The following DENND1A variants were observed in gnomAD, a reference collection of about 807,000 sequenced individuals.
DENND1A encodes DENN domain containing 1A.
In DENND1A, 51 loss-of-function variants were observed where a neutral mutation model predicts 113.7. That is an observed-to-expected ratio of 0.45 (90% CI 0.36 to 0.57). The LOEUF is 0.57. Among genes scored for constraint, DENND1A ranks in the 20% least tolerant of loss-of-function variants. The pLI, the probability that DENND1A is intolerant of heterozygous loss-of-function variation, is 0.00. For missense variants in DENND1A, 1,258 were observed against 1,395.9 expected (o/e 0.90, Z 1.57); for synonymous variants, 565 against 570.8 (o/e 0.99, Z 0.14).
At chr9:123,569,598 G>A (rs1564736814) in intron 12 of DENND1A, 1 of 152,282 alleles carries the variant, frequency 6.6e-6, no homozygotes, top group Non-Finnish European at 1.5e-5. Flanking sequence ...CTCTCTTCCT[G>A]AATGAATGAA....
chr9:123,711,486 A>AAATATATATATATATGTATATATGTAT (rs1318894625), intron 5 of DENND1A, among the ~76,000 whole-genome samples: 2 of 101,768 alleles, frequency 2.0e-5, no homozygotes, highest in Admixed American at 1.1e-4. Flanking sequence ...TAAATTAAAA[A>AAATATATATATATATGTATATATGTAT]ATATATATAT....
intron 9 of DENND1A, among the ~76,000 whole-genome samples, chr9:123,634,766 A>G (rs1469825376): frequency 2.6e-5 from 4 of 152,202 alleles, no homozygotes; most frequent in Non-Finnish European, 4.4e-5. Flanking sequence ...CCAATTATCA[A>G]TCTCATTTAA....
intron 5 of DENND1A, among the ~76,000 whole-genome samples, chr9:123,733,863 T>C (rs1427395463): frequency 6.6e-6 from 1 of 152,098 alleles, no homozygotes; most frequent in Non-Finnish European, 1.5e-5. Flanking sequence ...AGACAGGGTT[T>C]CACCATGTTG....
At chr9:123,918,622 T>G (rs1483251222) in intron 1 of DENND1A, among the ~76,000 whole-genome samples, 2 of 152,080 alleles carry the variant, frequency 1.3e-5, no homozygotes, top group African/African-American at 4.8e-5. Flanking sequence ...GACACTCCCC[T>G]CTCTCAAAAA....
chr9:123,845,992 G>A (rs1482976900), intron 2 of DENND1A, among the ~76,000 whole-genome samples: 2 of 152,130 alleles, frequency 1.3e-5, no homozygotes, highest in African/African-American at 2.4e-5. Flanking sequence ...TTTGTATCTA[G>A]AATATATAAA....
At chr9:123,572,423 C>G (rs1467282987) in intron 12 of DENND1A, among the ~76,000 whole-genome samples, 1 of 152,082 alleles carries the variant, frequency 6.6e-6, no homozygotes, top group Non-Finnish European at 1.5e-5. Context: ...TTTTCTTGGG[C>G]AAATACCTAG....
chr9:123,532,843 A>G (rs555159288), intron 13 of DENND1A, among the ~76,000 whole-genome samples: 8 of 152,322 alleles, frequency 5.3e-5, no homozygotes, highest in Admixed American at 1.3e-4. Context: ...AGGTCTCACT[A>G]TATCTTCTAA....
intron 8 of DENND1A, among the ~76,000 whole-genome samples, chr9:123,656,201 G>C (rs2062936324): frequency 6.6e-6 from 1 of 152,182 alleles, no homozygotes; most frequent in Non-Finnish European, 1.5e-5. Context: ...GCAAAGACAG[G>C]GTGGGGAGAG....
intron 2 of DENND1A, among the ~76,000 whole-genome samples, chr9:123,857,037 T>C (rs1177980633): frequency 6.6e-6 from 1 of 151,650 alleles, no homozygotes; most frequent in East Asian, 1.9e-4. Flanking sequence ...CATATAGATG[T>C]ACTCTCTGAC....
In DENND1A at chr9:123,401,708, G is replaced by A; in HGVS notation, c.1631+1694C>T. On this transcript the variant is annotated intron_variant, in intron 21 of 23. Transcript: ENST00000394215. ...CAAAACTAAAAGTGATACTGACACA[G>A]TTCAGGTGATAAGCAGGAAAATGGG... 5 of 1,581,892 alleles carry A rather than the reference G, an allele frequency of 3.2e-6. No homozygotes were observed. The South Asian group carries it at 5.7e-5, about 18-fold the overall frequency.
intron 12 of DENND1A, among the ~76,000 whole-genome samples, chr9:123,557,968 GGCGACAGA>G (rs2057521677): frequency 6.6e-6 from 1 of 151,544 alleles, no homozygotes; most frequent in Non-Finnish European, 1.5e-5. Flanking sequence ...CTCCAGCCTG[GGCGACAGA>G]GAGAAACTCA....
intron 13 of DENND1A, among the ~76,000 whole-genome samples, chr9:123,509,747 TAC>T (rs2053285705): frequency 1.3e-5 from 2 of 152,322 alleles, no homozygotes; most frequent in Middle Eastern, 3.4e-3. Context: ...GCTGGATGCT[TAC>T]ACTTGGAGGA....
At chr9:123,630,895 G>T (rs1466234566) in intron 9 of DENND1A, among the ~76,000 whole-genome samples, 2 of 152,020 alleles carry the variant, frequency 1.3e-5, no homozygotes, top group Non-Finnish European at 2.9e-5. Flanking sequence ...CTTAGAAAAA[G>T]ATATCTCTTA....
intron 12 of DENND1A, among the ~76,000 whole-genome samples, chr9:123,558,116 C>T (rs1398430263): frequency 6.6e-6 from 1 of 152,148 alleles, no homozygotes; most frequent in Non-Finnish European, 1.5e-5. Flanking sequence ...CAGGTAAGCA[C>T]TTTTGCATAC....
intron 22 of DENND1A, among the ~76,000 whole-genome samples, chr9:123,387,368 A>G (rs2130950620): frequency 6.6e-6 from 1 of 152,312 alleles, no homozygotes; most frequent in East Asian, 1.9e-4. Flanking sequence ...TCCCATCTCC[A>G]TGGCTTTCCA....
intron 13 of DENND1A, among the ~76,000 whole-genome samples, chr9:123,477,352 A>T (rs1172436481): frequency 6.6e-6 from 1 of 151,736 alleles, no homozygotes; most frequent in Non-Finnish European, 1.5e-5. Context: ...GGAGTTTGAG[A>T]CCAACCTGGG....
At chr9:123,744,097 G>C (rs2131160045) in intron 5 of DENND1A, among the ~76,000 whole-genome samples, 1 of 152,318 alleles carries the variant, frequency 6.6e-6, no homozygotes, top group South Asian at 2.1e-4. Context: ...TTATTGTGCA[G>C]TGAATATTTG....
At chr9:123,415,621 G>A (rs1482871688) in intron 19 of DENND1A, among the ~76,000 whole-genome samples, 1 of 152,164 alleles carries the variant, frequency 6.6e-6, no homozygotes, top group Non-Finnish European at 1.5e-5. Flanking sequence ...ATTGTGTGCA[G>A]GGCCCTCCTG....
intron 13 of DENND1A, among the ~76,000 whole-genome samples, chr9:123,499,689 T>A (rs563878121): frequency 4.6e-4 from 70 of 152,380 alleles, no homozygotes; most frequent in African/African-American, 1.6e-3. Context: ...CATCTTCTCC[T>A]GCTTACGGCA....
Sources: gnomAD v4.1 joint callset for allele counts (sites outside exome capture counted in the v4.1 genomes callset) on GRCh38, gnomAD v4.1.1 for gene constraint, MANE v1.5 for transcripts, NCBI Gene and HGNC (gene_info 2026-07-23, HGNC 2026-07-21) for gene names.